Variants in WNK2 observed in about 807,000 individuals in gnomAD.
WNK2 encodes the protein WNK lysine deficient protein kinase 2.
A neutral mutation model predicts 192.1 loss-of-function variants in WNK2; 67 were observed. That is an observed-to-expected ratio of 0.35 (90% CI 0.29 to 0.43). WNK2 has a LOEUF of 0.43. WNK2 is among the 20% of genes least tolerant of loss of function. WNK2 has a pLI of 1.00. For synonymous variants in WNK2, 1,439 were observed against 1,393.9 expected (o/e 1.03, Z -0.72); for missense variants, 2,698 against 3,089.7 (o/e 0.87, Z 3.01).
chr9:93,199,381 T>C (rs61275172), intron 2 of WNK2, among the ~76,000 whole-genome samples: 28,992 of 152,126 alleles, frequency 0.19, 3,093 homozygotes, highest in African/African-American at 0.29. Flanking sequence ...CTAGGCTACC[T>C]TCCTCCACCT....
intron 28 of WNK2, among the ~76,000 whole-genome samples, chr9:93,313,788 G>A (rs1322117622): frequency 6.6e-6 from 1 of 152,052 alleles, no homozygotes; most frequent in Non-Finnish European, 1.5e-5. Context: ...TCATATACAA[G>A]GGGGCTTCCA....
intron 19 of WNK2, among the ~76,000 whole-genome samples, chr9:93,269,628 G>A (rs1343631): frequency 0.88 from 133,505 of 152,232 alleles, 59,718 homozygotes; most frequent in East Asian, 1. Context: ...GTATATGTTC[G>A]TATATTACTT....
Position 93,252,900 on chromosome 9 carries a change from A to C in WNK2, c.1852A>C (p.Ser618Arg), listed in dbSNP as rs761801783. Residue 618 changes from serine to arginine, a missense_variant, in exon 9 of 30, where the codon AGC becomes CGC. By Grantham distance (110) the Ser-to-Arg change is moderately radical. Around this residue, in one of 7 missense-constraint regions of WNK2, gnomAD observed 893 missense variants for 909.0 expected, o/e 0.98. Coordinates refer to ENST00000427277, the MANE Select transcript of WNK2 (RefSeq NM_006648.4). ...CTCCCCAGCGGACAGCACCTTCGAC[A>C]GCGGCCAGGGCTCTACCGTGTACTC... The part of the protein sequence containing the change: ...TSLASDSTFD[S>R]GQGSTVYSDS... The C allele has an allele frequency of 6.6e-7, 1 of 1,506,300 alleles. No homozygotes were observed. The highest frequency in any genetic ancestry group is 1.3e-5 in the South Asian group (1 of 77,954). The allele number at this position is 1,506,300 out of a possible 1,614,324, so 93.3% of individuals were successfully genotyped here. A position where few individuals can be genotyped will look rare whatever the true frequency, so the allele number is the denominator to read the frequency against.
At chr9:93,288,639 C>A in intron 19 of WNK2, 149 bp from the exon 20 acceptor site, 1 of 827,234 alleles carries the variant, frequency 1.2e-6, no homozygotes, top group South Asian at 1.8e-5. Flanking sequence ...GAGCTGCAGG[C>A]AGGCAGGAGC....
chr9:93,199,859 C>T (rs1187012689), intron 2 of WNK2, among the ~76,000 whole-genome samples: 1 of 141,160 alleles, frequency 7.1e-6, no homozygotes, highest in African/African-American at 2.5e-5. Flanking sequence ...GATAGTGCCA[C>T]TGCACTCCAG....
At chr9:93,301,582 T>C (rs546184539) in intron 26 of WNK2, among the ~76,000 whole-genome samples, 166 of 152,244 alleles carry the variant, frequency 1.1e-3, no homozygotes, top group Middle Eastern at 3.4e-3. Context: ...AGTGGGCGCC[T>C]TCCCCCCCAC....
chr9:93,257,254 G>A lies in WNK2; in HGVS notation c.2382+115G>A, dbSNP rs1325962976. ...CTGTGCATGTGACCTGTGACCTGGG[G>A]TTGGGCTGGCCAGGGAGTTGGGGCT... On this transcript the variant is annotated intron_variant, in intron 11 of 29. Transcript: ENST00000427277. This position sits in a 1 kb window ranked among gnomAD's most constrained non-coding sequence, Gnocchi z 4.7. 4 of 1,211,292 alleles carry A rather than the reference G, an allele frequency of 3.3e-6. No individual in the cohort carries two copies. The highest frequency in any genetic ancestry group is 4.5e-6 in the Non-Finnish European group (4 of 881,254). The allele number at this position is 1,211,292 out of a possible 1,614,324, so 75.0% of individuals were successfully genotyped here.
chr9:93,292,866 G>T lies in WNK2; in HGVS notation c.5401G>T (p.Val1801Leu), dbSNP rs376742916. Residue 1801 changes from valine (V) to leucine (L), a missense_variant, in exon 23 of 30, where the codon GTG becomes TTG. Physicochemically the swap from Val to Leu is conservative, Grantham distance 32. Coordinates refer to ENST00000427277, the MANE Select transcript of WNK2 (RefSeq NM_006648.4). ...GACGGCCTCCTCCATCGAGGTCGGC[G>T]TGGGCGAGCCCGTGTCCAGCGACTC... ...AQTASSIEVG[V>L]GEPVSSDSGD... 10 of 1,496,964 alleles carry T rather than the reference G, an allele frequency of 6.7e-6. No individual in the cohort carries two copies. In the South Asian group the frequency reaches 1.3e-4, roughly 20 times the overall value. The allele number at this position is 1,496,964 out of a possible 1,614,324, so 92.7% of individuals were successfully genotyped here.
chr9:93,293,476 C>T lies in WNK2; in HGVS notation c.5708+303C>T, dbSNP rs201161523. Among the ~76,000 whole-genome samples the T allele has an allele frequency of 2.2e-4, 33 of 152,220 alleles. No individual in the cohort carries two copies. In the East Asian group the frequency reaches 3.3e-3, roughly 15 times the overall value. ...CTGGGACTACAGGTGCCTGCCACCA[C>T]GCCCGGTTGATTTTTCTATTTTTAG... On this transcript the variant is annotated intron_variant, in intron 23 of 29. Coordinates refer to ENST00000427277, the MANE Select transcript of WNK2 (RefSeq NM_006648.4).
Position 93,185,257 on chromosome 9 carries a change from G to GCCCCCGCGGACGCCGGCC in WNK2, c.331_348dup (p.Pro111_Pro116dup). 1 of 1,267,926 alleles carries GCCCCCGCGGACGCCGGCC rather than the reference G, an allele frequency of 7.9e-7. No homozygotes were observed. The allele number at this position is 1,267,926 out of a possible 1,614,324, so 78.5% of individuals were successfully genotyped here. ...GGTAGCGCAGCCGGGAGCCCCCGGA[G>GCCCCCGCGGACGCCGGCC]CCCCCGCGGACGCCGGCCCCGAGCC... is the stretch of plus-strand genomic sequence containing the variant. On this transcript the variant is annotated inframe_insertion, in exon 2 of 30. Coordinates refer to ENST00000427277, the MANE Select transcript of WNK2 (RefSeq NM_006648.4).
intron 7 of WNK2, among the ~76,000 whole-genome samples, chr9:93,244,780 C>T (rs1449072623): frequency 6.6e-6 from 1 of 152,226 alleles, no homozygotes; most frequent in African/African-American, 2.4e-5. Flanking sequence ...ACAGGGACAC[C>T]TGCCTCGGCC....
At chr9:93,295,698 T>C (rs1341282015) in intron 23 of WNK2, among the ~76,000 whole-genome samples, 2 of 151,220 alleles carry the variant, frequency 1.3e-5, no homozygotes, top group African/African-American at 4.9e-5. Context: ...TCCTCTCCTC[T>C]CCATCCTCCC....
At chr9:93,316,005 T>A (rs1381495154) in intron 28 of WNK2, 1 of 152,230 alleles carries the variant, frequency 6.6e-6, no homozygotes, top group Non-Finnish European at 1.5e-5. Context: ...GAGGTAAATC[T>A]GTTTTTTTCC....
rs751849465 is a variant in WNK2 at position 93,308,583 on chromosome 9, CTG to C, written c.6516+2_6516+3del. The C allele has an allele frequency of 1.2e-6, 1 of 817,354 alleles. No individual in the cohort carries two copies. The highest frequency in any genetic ancestry group is 2.2e-5 in the Admixed American group (1 of 46,114). 50.6% of individuals were successfully genotyped at this position (817,354 alleles called of 1,614,324 possible). On this transcript the variant is annotated splice_donor_variant and coding_sequence_variant, in exon 28 of 30. Coordinates refer to ENST00000427277, the MANE Select transcript of WNK2 (RefSeq NM_006648.4). LOFTEE classifies it high-confidence loss of function. Reference sequence around the variant, plus strand: ...TGGGCTGCCCCTGGCGAGGCGCGGGCTGTGAGTGCGGGGCGGGTGGGGCGGGT... The same window carrying C: ...TGGGCTGCCCCTGGCGAGGCGCGGGCTGAGTGCGGGGCGGGTGGGGCGGGT...
In WNK2 at chr9:93,259,172, C is replaced by T; in HGVS notation, c.2624C>T (p.Thr875Ile). The T allele has an allele frequency of 6.2e-7, 1 of 1,612,628 alleles. No individual in the cohort carries two copies. The highest frequency in any genetic ancestry group is 8.5e-7 in the Non-Finnish European group (1 of 1,179,716). Reference sequence around the variant, plus strand: ...GCGCCCCTGGCCATGCCCTGCCGGACCATTGTGCCAAATGCACCGGCCACT... The same window carrying T: ...GCGCCCCTGGCCATGCCCTGCCGGATCATTGTGCCAAATGCACCGGCCACT... ...PGAPLAMPCR[T>I]IVPNAPATIP... is the part of the protein sequence containing the mutation. Residue 875 changes from threonine (T) to isoleucine (I), a missense_variant, in exon 12 of 30, where the codon ACC becomes ATC. By Grantham distance (89) the Thr-to-Ile change is moderately conservative (BLOSUM62 -1). Coordinates refer to ENST00000427277, the MANE Select transcript of WNK2 (RefSeq NM_006648.4). The surrounding 1 kb of genome is among the most constrained non-coding windows in gnomAD (Gnocchi z 4.8).
chr9:93,257,259 G>C lies in WNK2; in HGVS notation c.2382+120G>C. 8.7e-7 allele frequency: 1 copy of C among 1,145,254 alleles called. No individual in the cohort carries two copies. Among genetic ancestry groups the C allele is most frequent in the Non-Finnish European group, 1.2e-6 (1 of 823,646 alleles). 70.9% of individuals were successfully genotyped at this position (1,145,254 alleles called of 1,614,324 possible). Reference sequence around the variant, plus strand: ...CATGTGACCTGTGACCTGGGGTTGGGCTGGCCAGGGAGTTGGGGCTGGGCT... The same window carrying C: ...CATGTGACCTGTGACCTGGGGTTGGCCTGGCCAGGGAGTTGGGGCTGGGCT... On this transcript the variant is annotated intron_variant, in intron 11 of 29. Transcript: ENST00000427277. This position sits in a 1 kb window ranked among gnomAD's most constrained non-coding sequence, Gnocchi z 4.7.
intron 7 of WNK2, among the ~76,000 whole-genome samples, chr9:93,242,411 C>A (rs1001030321): frequency 6.6e-6 from 1 of 152,198 alleles, no homozygotes. Flanking sequence ...TCTCCATGAC[C>A]ATGTGGTGCA....
intron 2 of WNK2, among the ~76,000 whole-genome samples, chr9:93,218,247 G>A (rs894019021): frequency 1.6e-4 from 25 of 152,160 alleles, no homozygotes; most frequent in East Asian, 3.9e-4. Context: ...GGGGTGCCCC[G>A]CCTGCCCCAC....
At chr9:93,232,646 T>C (rs1410533705) in intron 4 of WNK2, among the ~76,000 whole-genome samples, 1 of 152,216 alleles carries the variant, frequency 6.6e-6, no homozygotes, top group Admixed American at 6.5e-5. Flanking sequence ...GCCCCTCGTC[T>C]TCCTCTGGCT....
Sources: gnomAD v4.1 joint callset for allele counts (sites outside exome capture counted in the v4.1 genomes callset) on GRCh38, gnomAD v4.1.1 for gene constraint, gnomAD v4.1.1 regional missense constraint, Gnocchi (gnomAD v3.1) non-coding constraint, MANE v1.5 for transcripts, NCBI Gene and HGNC (gene_info 2026-07-23, HGNC 2026-07-21) for gene names.